The following CHLSN variants were observed in gnomAD, a reference collection of about 807,000 sequenced individuals.
The protein encoded by CHLSN is cholesin.
chr7:1,066,061 G>T, the CHLSN span, among the ~76,000 whole-genome samples: 3 of 152,320 alleles, frequency 2.0e-5, no homozygotes, highest in African/African-American at 7.2e-5. Context: ...CTCTCAATAG[G>T]CGGCATGGGG....
the CHLSN span, chr7:987,358 G>C: frequency 1.3e-6 from 2 of 1,584,198 alleles, no homozygotes; most frequent in Middle Eastern, 1.7e-4. Flanking sequence ...CCGGGTGCAG[G>C]AGGAGCTAGA....
At chr7:1,016,974 ACACACCAGCG>A in the CHLSN span, among the ~76,000 whole-genome samples, 38,962 of 129,072 alleles carry the variant, frequency 0.3, 7,066 homozygotes, top group African/African-American at 0.45. Context: ...ACACGCCAGC[ACACACCAGCG>A]CACAGCAGCG....
the CHLSN span, among the ~76,000 whole-genome samples, chr7:1,020,397 T>C: frequency 6.6e-6 from 1 of 152,106 alleles, no homozygotes; most frequent in Non-Finnish European, 1.5e-5. Flanking sequence ...GAACTCTTCC[T>C]GGGCCCCAGA....
At chr7:987,272 G>A in the CHLSN span, 2 of 1,504,436 alleles carry the variant, frequency 1.3e-6, no homozygotes, top group Non-Finnish European at 1.8e-6. Flanking sequence ...TGGCGAGACG[G>A]CTCCTTCTGC....
At chr7:1,137,185 A>G in the CHLSN span, 2 of 152,766 alleles carry the variant, frequency 1.3e-5, no homozygotes, top group Non-Finnish European at 2.9e-5. Flanking sequence ...GGCTGCAGCC[A>G]CACTGGGCTC....
chr7:1,051,605 G>A, the CHLSN span, among the ~76,000 whole-genome samples: 76 of 152,354 alleles, frequency 5.0e-4, no homozygotes, highest in African/African-American at 1.7e-3. Flanking sequence ...GATATCTCCC[G>A]CATGTCAGCC....
chr7:1,039,655 A>G, the CHLSN span, among the ~76,000 whole-genome samples: 5 of 64,690 alleles, frequency 7.7e-5, no homozygotes, highest in African/African-American at 1.5e-4. Context: ...CCCGGCCACT[A>G]CCCCGTCTGG....
At chr7:1,124,573 G>T in the CHLSN span, among the ~76,000 whole-genome samples, 1 of 101,794 alleles carries the variant, frequency 9.8e-6, no homozygotes, top group Admixed American at 1.1e-4. Context: ...GGGTGGGGGG[G>T]GAGGGGGGAG....
the CHLSN span, among the ~76,000 whole-genome samples, chr7:1,084,725 C>G: frequency 3.3e-5 from 5 of 152,326 alleles, no homozygotes; most frequent in East Asian, 9.6e-4. Flanking sequence ...CAGATGGGCA[C>G]TGAGGCTCAG....
At chr7:1,076,061 G>A in the CHLSN span, 1 of 152,344 alleles carries the variant, frequency 6.6e-6, no homozygotes, top group Non-Finnish European at 1.5e-5. Flanking sequence ...AGAGGGCGAG[G>A]TGATTCACAG....
the CHLSN span, among the ~76,000 whole-genome samples, chr7:993,147 G>A: frequency 0.023 from 3,522 of 152,318 alleles, 134 homozygotes; most frequent in African/African-American, 0.08. Flanking sequence ...CACGCAGCCA[G>A]CAGGGGTACG....
the CHLSN span, among the ~76,000 whole-genome samples, chr7:1,100,974 G>A: frequency 6.6e-6 from 1 of 152,086 alleles, no homozygotes; most frequent in Non-Finnish European, 1.5e-5. Context: ...GTCTGCAAAG[G>A]CCCTTCCACC....
chr7:1,081,172 G>A, the CHLSN span, among the ~76,000 whole-genome samples: 5 of 152,262 alleles, frequency 3.3e-5, no homozygotes, highest in Non-Finnish European at 7.3e-5. Flanking sequence ...GGCCACCAGG[G>A]CCGGGGACGG....
At chr7:997,876 G>T in the CHLSN span, 5 of 1,417,924 alleles carry the variant, frequency 3.5e-6, no homozygotes, top group African/African-American at 1.5e-5. Flanking sequence ...GAGACAAGAC[G>T]CTGCAGCCAA....
chr7:979,366 C>G, the CHLSN span, among the ~76,000 whole-genome samples: 1 of 152,030 alleles, frequency 6.6e-6, no homozygotes, highest in Non-Finnish European at 1.5e-5. Flanking sequence ...GAGTCCATCT[C>G]GTCATAGATT....
At chr7:1,027,642 T>C in the CHLSN span, among the ~76,000 whole-genome samples, 1 of 152,198 alleles carries the variant, frequency 6.6e-6, no homozygotes, top group African/African-American at 2.4e-5. Context: ...TCATCATGAG[T>C]CTTTGCTTTA....
At chr7:1,120,442 C>A in the CHLSN span, among the ~76,000 whole-genome samples, 2 of 152,152 alleles carry the variant, frequency 1.3e-5, no homozygotes, top group African/African-American at 4.8e-5. Context: ...CAGGTGCACG[C>A]CACCATGCCT....
chr7:1,113,807 G>A, the CHLSN span, among the ~76,000 whole-genome samples: 7 of 152,178 alleles, frequency 4.6e-5, no homozygotes, highest in African/African-American at 9.7e-5. Context: ...GGCAAGGAGC[G>A]GTGCAGAAAC....
At chr7:1,023,236 G>A in the CHLSN span, among the ~76,000 whole-genome samples, 1 of 152,184 alleles carries the variant, frequency 6.6e-6, no homozygotes, top group Non-Finnish European at 1.5e-5. The surrounding 1 kb of genome is among the most constrained non-coding windows in gnomAD (Gnocchi z 5.0). Flanking sequence ...TCCTGCAGCC[G>A]CGACACGGGC....
Sources: allele counts gnomAD v4.1 joint callset (sites outside exome capture counted in the v4.1 genomes callset), GRCh38; gene constraint gnomAD v4.1.1; non-coding constraint Gnocchi (gnomAD v3.1); transcripts MANE v1.5; gene names NCBI Gene and HGNC (gene_info 2026-07-23, HGNC 2026-07-21).